Variants in SLC2A9 observed in about 807,000 individuals in gnomAD.
The protein encoded by SLC2A9 is solute carrier family 2, facilitated glucose transporter member 9.
In SLC2A9, 39 loss-of-function variants were observed where a neutral mutation model predicts 50.6. That is an observed-to-expected ratio of 0.77 (90% confidence interval 0.60 to 1.01). The LOEUF (loss-of-function observed/expected upper bound fraction) is 1.01, where lower values mean the gene tolerates loss of function less well. Ranked by LOEUF, SLC2A9 falls within the 50% of genes least tolerant of loss-of-function variation. SLC2A9 has a pLI of 0.00. For missense variants in SLC2A9, 686 were observed against 677.6 expected (o/e 1.01, Z -0.14); for synonymous variants, 324 against 276.9 (o/e 1.17, Z -1.69).
downstream of SLC2A9, among the ~76,000 whole-genome samples, chr4:9,822,231 T>C (rs1724506137): frequency 6.6e-6 from 1 of 152,220 alleles, no homozygotes; most frequent in Non-Finnish European, 1.5e-5. Flanking sequence ...AGAACCAATT[T>C]TTGGTTTCAT....
intron 8 of SLC2A9, among the ~76,000 whole-genome samples, chr4:9,902,082 A>G (rs977169620): frequency 3.9e-5 from 6 of 152,144 alleles, no homozygotes; most frequent in Non-Finnish European, 7.4e-5. Flanking sequence ...TTCTTTCAGC[A>G]GCTTCTTTTG....
At chr4:9,834,843 G>A (rs1726759559) in intron 11 of SLC2A9, 38 bp downstream of exon 11, 2 of 1,613,790 alleles carry the variant, frequency 1.2e-6, no homozygotes, top group South Asian at 1.1e-5. Context: ...CAGAATCAAA[G>A]GGAACCCCAT....
At chr4:10,025,641 AC>A, upstream of SLC2A9, 1 of 474,378 alleles carries the variant, frequency 2.1e-6, no homozygotes, top group East Asian at 3.5e-5. Context: ...TTGAGAAATG[AC>A]CTTTGTAATG....
intron 6 of SLC2A9, among the ~76,000 whole-genome samples, chr4:9,934,082 C>T (rs1258413376): frequency 6.6e-6 from 1 of 152,168 alleles, no homozygotes; most frequent in Admixed American, 6.5e-5. Context: ...CATCATGTAA[C>T]CTAACATATT....
At chr4:9,966,322 T>G (rs187536654) in intron 5 of SLC2A9, among the ~76,000 whole-genome samples, 2 of 152,300 alleles carry the variant, frequency 1.3e-5, no homozygotes, top group African/African-American at 4.8e-5. Context: ...ATGTAGAAGA[T>G]TATTCATCTG....
At chr4:9,976,257 T>C (rs550531740) in intron 5 of SLC2A9, among the ~76,000 whole-genome samples, 7 of 152,218 alleles carry the variant, frequency 4.6e-5, no homozygotes, top group African/African-American at 9.6e-5. Context: ...AAAATAAAAG[T>C]TGAAGTCATA....
At chr4:9,859,624 T>G (rs1049515325) in intron 10 of SLC2A9, among the ~76,000 whole-genome samples, 13 of 152,246 alleles carry the variant, frequency 8.5e-5, no homozygotes, top group African/African-American at 3.1e-4. Flanking sequence ...AAGTGAGGTC[T>G]GCTTTAAGCA....
At chr4:10,008,174 T>C (rs1352905471) in intron 2 of SLC2A9, among the ~76,000 whole-genome samples, 1 of 152,238 alleles carries the variant, frequency 6.6e-6, no homozygotes, top group Admixed American at 6.5e-5. Flanking sequence ...ACCGAGTTCC[T>C]TTCCCCATTT....
chr4:10,004,770 G>A (rs1037036675), intron 2 of SLC2A9, among the ~76,000 whole-genome samples: 2 of 152,210 alleles, frequency 1.3e-5, no homozygotes, highest in African/African-American at 2.4e-5. Flanking sequence ...TCAAGAAGGA[G>A]GAGAGATTTA....
chr4:9,945,431 G>T (rs1472095564), intron 5 of SLC2A9, among the ~76,000 whole-genome samples: 2 of 152,180 alleles, frequency 1.3e-5, no homozygotes, highest in East Asian at 3.9e-4. Context: ...TAAGCACATT[G>T]GATAGTTCAT....
chr4:9,779,416 CTTT>C (rs926013681), downstream of SLC2A9, among the ~76,000 whole-genome samples: 2 of 138,670 alleles, frequency 1.4e-5, no homozygotes, highest in Non-Finnish European at 1.6e-5. Context: ...AGACTTTAAA[CTTT>C]TTTTTTTTTT....
chr4:9,867,918 G>A (rs1560212508), intron 10 of SLC2A9, among the ~76,000 whole-genome samples: 1 of 151,764 alleles, frequency 6.6e-6, no homozygotes, highest in Non-Finnish European at 1.5e-5. Flanking sequence ...TCACATGCGT[G>A]CCCCCCCCAC....
chr4:9,781,941 G>T, intron 3 of SLC2A9: 1 of 1,149,504 alleles, frequency 8.7e-7, no homozygotes, highest in Non-Finnish European at 1.2e-6. Context: ...CTGAGGGGGC[G>T]CATCCTCGGG....
chr4:10,022,841 T>A (rs1276477839), upstream of SLC2A9, among the ~76,000 whole-genome samples: 2 of 152,098 alleles, frequency 1.3e-5, no homozygotes, highest in African/African-American at 4.8e-5. Context: ...AAGTGGGGAA[T>A]CAAGACTTCC....
chr4:9,893,088 C>T (rs771692640), intron 8 of SLC2A9, among the ~76,000 whole-genome samples: 35 of 152,182 alleles, frequency 2.3e-4, no homozygotes, highest in Admixed American at 7.8e-4. Flanking sequence ...AAAATCTTTT[C>T]TGTTGTTGTG....
At chr4:9,929,470 T>C (rs1394102811) in intron 6 of SLC2A9, among the ~76,000 whole-genome samples, 25 of 152,180 alleles carry the variant, frequency 1.6e-4, no homozygotes, top group Admixed American at 1.6e-3. Flanking sequence ...GGGTATTAAC[T>C]CCCTGAATGT....
At chr4:9,858,241 G>A (rs1196447118) in intron 10 of SLC2A9, among the ~76,000 whole-genome samples, 2 of 152,182 alleles carry the variant, frequency 1.3e-5, no homozygotes, top group African/African-American at 2.4e-5. Flanking sequence ...GTAGACCTGG[G>A]GGCATGGAGT....
intron 5 of SLC2A9, among the ~76,000 whole-genome samples, chr4:9,972,400 TCA>T (rs1754054880): frequency 1.3e-5 from 2 of 152,156 alleles, no homozygotes; most frequent in African/African-American, 4.8e-5. Context: ...TCATTTGGAG[TCA>T]CATAAATGTT....
intron 5 of SLC2A9, among the ~76,000 whole-genome samples, chr4:9,974,624 A>G (rs35817865): frequency 0.071 from 10,829 of 152,230 alleles, 889 homozygotes; most frequent in East Asian, 0.47. Flanking sequence ...AAATGGAAAA[A>G]CATTCTATGT....
Sources: gnomAD v4.1 joint callset for allele counts (sites outside exome capture counted in the v4.1 genomes callset) on GRCh38, gnomAD v4.1.1 for gene constraint, MANE v1.5 for transcripts, NCBI Gene and HGNC (gene_info 2026-07-23, HGNC 2026-07-21) for gene names.